The following GRIA3 variants were observed in gnomAD, a reference collection of about 807,000 sequenced individuals.
GRIA3 encodes the protein glutamate ionotropic receptor AMPA type subunit 3.
Under a neutral mutation model 63.0 loss-of-function variants are expected in GRIA3, and 3 were observed. The observed-to-expected ratio is 0.05, with a 90% CI of 0.02 to 0.12. GRIA3 has a LOEUF of 0.12. Ranked by LOEUF, GRIA3 falls within the 10% of genes least tolerant of loss-of-function variation. GRIA3 has a pLI of 1.00. For synonymous variants in GRIA3, 274 were observed against 257.9 expected (o/e 1.06, Z -0.60); for missense variants, 347 against 700.9 (o/e 0.50, Z 5.70).
intron 13 of GRIA3, among the ~76,000 whole-genome samples, chrX:123,475,465 GT>G (rs1168711269): frequency 9.0e-6 from 1 of 111,682 alleles, no homozygotes; most frequent in African/African-American, 3.3e-5. Context: ...AAGCACTCCT[GT>G]TTTTTCCCTA....
intron 15 of GRIA3, among the ~76,000 whole-genome samples, chrX:123,483,400 CATTTT>C (rs2045922549): frequency 8.9e-6 from 1 of 111,989 alleles, no homozygotes; most frequent in African/African-American, 3.2e-5. Flanking sequence ...TTTAATGATA[CATTTT>C]ATTTAACCCA....
chrX:123,456,700 AG>A (rs1485983681), intron 12 of GRIA3, among the ~76,000 whole-genome samples: 1 of 111,695 alleles, frequency 9.0e-6, no homozygotes, highest in Non-Finnish European at 1.9e-5. Context: ...GGAGGTCAGG[AG>A]CTCTCCAGAG....
chrX:123,282,696 A>G (rs2044593385), intron 3 of GRIA3, among the ~76,000 whole-genome samples: 1 of 112,727 alleles, frequency 8.9e-6, no homozygotes, highest in African/African-American at 3.2e-5. Context: ...ACTTAAGGCC[A>G]GAAGTTTTAG....
chrX:123,316,527 T>C (rs1303229606), intron 3 of GRIA3, among the ~76,000 whole-genome samples: 2 of 112,201 alleles, frequency 1.8e-5, no homozygotes, highest in African/African-American at 6.5e-5. Context: ...CCAGTATTCC[T>C]ACTTTGAGAT....
At chrX:123,263,866 G>A (rs994951201) in intron 3 of GRIA3, among the ~76,000 whole-genome samples, 1 of 112,314 alleles carries the variant, frequency 8.9e-6, no homozygotes, top group South Asian at 3.7e-4. Context: ...GCCCACAGAG[G>A]TGAATTTAGG....
intron 12 of GRIA3, among the ~76,000 whole-genome samples, chrX:123,434,726 T>C (rs1321041098): frequency 2.7e-5 from 3 of 111,446 alleles, no homozygotes; most frequent in African/African-American, 9.8e-5. Context: ...AAGACCACCG[T>C]TGGCTTTTCC....
intron 3 of GRIA3, among the ~76,000 whole-genome samples, chrX:123,279,508 T>A (rs755020328): frequency 1.8e-5 from 2 of 111,795 alleles, no homozygotes; most frequent in Non-Finnish European, 3.8e-5. Context: ...AAAATTTTTT[T>A]TATATAGAGC....
chrX:123,460,172 A>T (rs1407723476), intron 12 of GRIA3, among the ~76,000 whole-genome samples: 1 of 112,551 alleles, frequency 8.9e-6, no homozygotes, highest in African/African-American at 3.2e-5. Context: ...GCAATCAAAG[A>T]GCTCAAGTAA....
chrX:123,296,402 T>C (rs1176528551), intron 3 of GRIA3, among the ~76,000 whole-genome samples: 1 of 110,891 alleles, frequency 9.0e-6, no homozygotes, highest in Non-Finnish European at 1.9e-5. Context: ...AAACTTGTTC[T>C]TCTTCCCCCT....
At chrX:123,399,606 G>C (rs73630708) in intron 7 of GRIA3, among the ~76,000 whole-genome samples, 3,662 of 111,920 alleles carry the variant, frequency 0.033, 114 homozygotes, top group African/African-American at 0.11. Flanking sequence ...ACATGTGCCT[G>C]CATGTATTAA....
chrX:123,329,051 T>C (rs745953423), intron 4 of GRIA3, among the ~76,000 whole-genome samples: 11 of 111,995 alleles, frequency 9.8e-5, no homozygotes, highest in Non-Finnish European at 1.3e-4. Context: ...ATACAGATCC[T>C]GATTGGAATG....
chrX:123,433,712 G>A (rs1490297626), intron 12 of GRIA3, among the ~76,000 whole-genome samples: 1 of 111,820 alleles, frequency 8.9e-6, no homozygotes, highest in Non-Finnish European at 1.9e-5. Context: ...AAGAGGAGTA[G>A]AGAGAGTGGT....
chrX:123,482,583 C>A, intron 14 of GRIA3: 1 of 429,627 alleles, frequency 2.3e-6, no homozygotes, highest in Non-Finnish European at 4.1e-6. Flanking sequence ...GATGAAAGGA[C>A]ATTTAGGTGA....
rs10548566 is a variant in GRIA3, at chrX:123,360,855, TCACACACACACACACA to T, written c.750+5925_750+5940del. On this transcript the variant is annotated intron_variant, in intron 5 of 15. Transcript: ENST00000620443. ...CCTCCTCTCTCTCTCTCTCTCTCTC[TCACACACACACACACA>T]CACACACACACACACACACACACAC... Among the ~76,000 whole-genome samples, 11 of 46,516 alleles carry T rather than the reference TCACACACACACACACA, an allele frequency of 2.4e-4. No individual in the cohort carries two copies. The East Asian group carries it at 2.7e-3, about 11-fold the overall frequency. The allele number at this position is 46,516 out of a possible 115,157, so 40.4% of individuals were successfully genotyped here.
intron 2 of GRIA3, among the ~76,000 whole-genome samples, chrX:123,215,685 T>G (rs1281921994): frequency 8.9e-6 from 1 of 111,966 alleles, no homozygotes; most frequent in Non-Finnish European, 1.9e-5. Flanking sequence ...AAGTTGCTCA[T>G]ATCATAGTAG....
chrX:123,219,416 G>A (rs1395401374), intron 2 of GRIA3, among the ~76,000 whole-genome samples: 1 of 112,073 alleles, frequency 8.9e-6, no homozygotes, highest in Non-Finnish European at 1.9e-5. Flanking sequence ...GGTTCAAGAA[G>A]TAGACCTCAC....
intron 3 of GRIA3, among the ~76,000 whole-genome samples, chrX:123,254,723 A>G (rs1353492686): frequency 9.0e-6 from 1 of 111,696 alleles, no homozygotes; most frequent in African/African-American, 3.3e-5. Context: ...CCAAACTATC[A>G]TCAAATTTCA....
Position 123,464,939 on chromosome X carries a change from A to T in GRIA3, c.2151A>T (p.Thr717=). 1 of 1,210,160 alleles carries T rather than the reference A, an allele frequency of 8.3e-7. No individual in the cohort carries two copies. The highest frequency in any genetic ancestry group is 1.8e-5 in the South Asian group (1 of 56,953). Residue 717 remains threonine, a synonymous_variant, in exon 13 of 16, where the codon ACA becomes ACT. Transcript: ENST00000620443. ...CGGAGCCATCTGTGTTTACCAAAAC[A>T]ACAGCAGACGGAGTGGCCCGAGTGC... ...KSAEPSVFTK[T]TADGVARVRK... is the part of the protein sequence containing the mutation.
At position 123,200,364 on chromosome X, in the gene GRIA3, T is replaced by C. The variant is rs7059794; in HGVS notation, c.268+14374T>C. ...AATCACCCAAAATTAAGTTTTAACA[T>C]GTGTTCAGATTTGTATCCTGCCTTT... On this transcript the variant is annotated intron_variant, in intron 2 of 15. Transcript: ENST00000620443. Among the ~76,000 whole-genome samples the C allele has an allele frequency of 8.8e-3, 970 of 110,379 alleles. 12 individuals are homozygous for C. The highest frequency in any genetic ancestry group is 0.03 in the African/African-American group (899 of 30,412).
Sources: gnomAD v4.1 joint callset for allele counts (sites outside exome capture counted in the v4.1 genomes callset) on GRCh38, gnomAD v4.1.1 for gene constraint, MANE v1.5 for transcripts, NCBI Gene and HGNC (gene_info 2026-07-23, HGNC 2026-07-21) for gene names.